RBMS3: variants seen among roughly 807,000 people sequenced by gnomAD.
The protein encoded by RBMS3 is RNA-binding motif, single-stranded-interacting protein 3.
In RBMS3, 27 loss-of-function variants were observed where a neutral mutation model predicts 66.8. That is an observed-to-expected ratio of 0.40 (90% confidence interval 0.30 to 0.56). The LOEUF (loss-of-function observed/expected upper bound fraction) is 0.56, where lower values mean the gene tolerates loss of function less well. Among genes scored for constraint, RBMS3 ranks in the 20% least tolerant of loss-of-function variants. The pLI, the probability that RBMS3 is intolerant of heterozygous loss-of-function variation, is 0.40. For missense variants in RBMS3, 513 were observed against 549.5 expected (o/e 0.93, Z 0.66); for synonymous variants, 188 against 183.0 (o/e 1.03, Z -0.22).
chr3:29,496,009 A>G (rs2043734218), intron 3 of RBMS3, among the ~76,000 whole-genome samples: 1 of 152,140 alleles, frequency 6.6e-6, no homozygotes, highest in Admixed American at 6.5e-5. Context: ...TCTTGAAAGC[A>G]GTGGAAACTA....
At chr3:29,329,984 T>A (rs1266583649) in intron 1 of RBMS3, among the ~76,000 whole-genome samples, 1 of 151,248 alleles carries the variant, frequency 6.6e-6, no homozygotes, top group African/African-American at 2.4e-5. Context: ...CTTATTCATT[T>A]CTCCAACTTC....
At chr3:29,871,018 T>G (rs1324062083) in intron 7 of RBMS3, among the ~76,000 whole-genome samples, 1 of 152,104 alleles carries the variant, frequency 6.6e-6, no homozygotes, top group African/African-American at 2.4e-5. Flanking sequence ...ACTTTATATT[T>G]TTTGCTTCCA....
chr3:29,399,788 C>T (rs754778351), intron 1 of RBMS3, among the ~76,000 whole-genome samples: 7 of 152,256 alleles, frequency 4.6e-5, no homozygotes, highest in African/African-American at 1.7e-4. Context: ...CATAAAGCCA[C>T]TCCTAGCTAA....
chr3:29,833,982 C>A (rs1474341818), intron 6 of RBMS3, among the ~76,000 whole-genome samples: 1 of 151,994 alleles, frequency 6.6e-6, no homozygotes, highest in Admixed American at 6.6e-5. Flanking sequence ...GACTATCAGA[C>A]AAGAAATAGG....
intron 4 of RBMS3, among the ~76,000 whole-genome samples, chr3:29,702,710 CG>C: frequency 6.6e-6 from 1 of 152,068 alleles, no homozygotes. Flanking sequence ...CCAGATGCAC[CG>C]CCTCAAGAGC....
intron 2 of RBMS3, among the ~76,000 whole-genome samples, chr3:29,464,995 T>C (rs549427060): frequency 6.6e-6 from 1 of 152,264 alleles, no homozygotes; most frequent in South Asian, 2.1e-4. Flanking sequence ...ACAAGGACAA[T>C]GATTGGAACA....
chr3:29,747,292 G>T (rs1250089056), intron 5 of RBMS3, among the ~76,000 whole-genome samples: 1 of 151,984 alleles, frequency 6.6e-6, no homozygotes, highest in Non-Finnish European at 1.5e-5. Context: ...TCTTAGTTCT[G>T]CACCTCTTAC....
In RBMS3 at chr3:29,669,427, T is replaced by G. The variant is rs201415462; in HGVS notation, c.400-70293T>G. On this transcript the variant is annotated intron_variant, in intron 4 of 14. Coordinates refer to ENST00000383767, the MANE Select transcript of RBMS3 (RefSeq NM_001003793.3). ...GACAATACTGAGTCACAGAAAGTCATCTATCTAAGTGCCTTGTCCAAGGTC... is the reference window on the plus strand; with the variant it reads ...GACAATACTGAGTCACAGAAAGTCAGCTATCTAAGTGCCTTGTCCAAGGTC... Among the ~76,000 whole-genome samples, 4 of 152,322 alleles carry G rather than the reference T, an allele frequency of 2.6e-5. No individual in the cohort carries two copies. The East Asian group carries it at 7.7e-4, about 29-fold the overall frequency.
At chr3:29,410,683 T>C (rs2040227293) in intron 1 of RBMS3, among the ~76,000 whole-genome samples, 1 of 152,196 alleles carries the variant, frequency 6.6e-6, no homozygotes, top group South Asian at 2.1e-4. Flanking sequence ...GGTTTTTAAA[T>C]TCTGAATAGA....
chr3:29,585,617 C>A (rs2047490776), intron 3 of RBMS3, among the ~76,000 whole-genome samples: 1 of 152,116 alleles, frequency 6.6e-6, no homozygotes, highest in South Asian at 2.1e-4. Flanking sequence ...AGCACAGCAA[C>A]CGACATGTGA....
chr3:29,818,368 T>C (rs983537607), intron 6 of RBMS3, among the ~76,000 whole-genome samples: 1 of 151,924 alleles, frequency 6.6e-6, no homozygotes, highest in Non-Finnish European at 1.5e-5. Flanking sequence ...ACGATGTTTT[T>C]TTACATTTTT....
At chr3:29,299,298 G>A (rs1342400532) in intron 1 of RBMS3, among the ~76,000 whole-genome samples, 3 of 151,876 alleles carry the variant, frequency 2.0e-5, no homozygotes. Flanking sequence ...GCATCAGAGA[G>A]GCACAAGGTT....
At chr3:29,708,726 A>G (rs2053022334) in intron 4 of RBMS3, among the ~76,000 whole-genome samples, 1 of 152,042 alleles carries the variant, frequency 6.6e-6, no homozygotes, top group African/African-American at 2.4e-5. Context: ...GGCTCCCTAC[A>G]CCTGTTTCTG....
At chr3:29,692,728 T>C (rs2052086179) in intron 4 of RBMS3, among the ~76,000 whole-genome samples, 1 of 152,208 alleles carries the variant, frequency 6.6e-6, no homozygotes, top group African/African-American at 2.4e-5. Context: ...TGTTCCTGCA[T>C]GATAGTAATG....
chr3:29,659,557 G>A (rs555221274), intron 4 of RBMS3, among the ~76,000 whole-genome samples: 1 of 152,074 alleles, frequency 6.6e-6, no homozygotes, highest in Non-Finnish European at 1.5e-5. Context: ...GCATACATAA[G>A]AATTTTCTTC....
intron 4 of RBMS3, among the ~76,000 whole-genome samples, chr3:29,735,938 A>G (rs1318866907): frequency 6.6e-6 from 1 of 152,152 alleles, no homozygotes; most frequent in Admixed American, 6.5e-5. Flanking sequence ...GGCCATAAAA[A>G]TTTAAGTTAA....
intron 6 of RBMS3, among the ~76,000 whole-genome samples, chr3:29,799,631 T>C (rs1016984904): frequency 2.0e-5 from 3 of 152,212 alleles, no homozygotes; most frequent in African/African-American, 7.2e-5. Context: ...CTCAGATAGG[T>C]ACATCTGTTG....
At chr3:29,415,547 T>C in intron 1 of RBMS3, among the ~76,000 whole-genome samples, 1 of 152,272 alleles carries the variant, frequency 6.6e-6, no homozygotes, top group South Asian at 2.1e-4. Flanking sequence ...TGAAAATTAA[T>C]TTTTGTTGGG....
chr3:29,677,130 A>G (rs544800064), intron 4 of RBMS3, among the ~76,000 whole-genome samples: 36 of 152,234 alleles, frequency 2.4e-4, no homozygotes, highest in African/African-American at 8.7e-4. Context: ...CTCACTATAC[A>G]GTACTAAGGG....
Sources: allele counts gnomAD v4.1 joint callset (sites outside exome capture counted in the v4.1 genomes callset), GRCh38; gene constraint gnomAD v4.1.1; transcripts MANE v1.5; gene names NCBI Gene and HGNC (gene_info 2026-07-23, HGNC 2026-07-21).